YARS1: variants seen among roughly 807,000 people sequenced by gnomAD.
The protein encoded by YARS1 is tyrosine--tRNA ligase, cytoplasmic.
A neutral mutation model predicts 62.2 loss-of-function variants in YARS1; 36 were observed. The observed-to-expected ratio is 0.58, with a 90% CI of 0.44 to 0.76. The LOEUF (loss-of-function observed/expected upper bound fraction) is 0.76. Among genes scored for constraint, YARS1 ranks in the 30% least tolerant of loss-of-function variants. YARS1 has a pLI of 0.00. For missense variants in YARS1, 524 were observed against 639.8 expected (o/e 0.82, Z 1.95); for synonymous variants, 234 against 244.9 (o/e 0.96, Z 0.42).
At chr1:32,779,116 TAC>T (rs1444353547) in intron 12 of YARS1, among the ~76,000 whole-genome samples, 1 of 152,148 alleles carries the variant, frequency 6.6e-6, no homozygotes, top group Non-Finnish European at 1.5e-5. Flanking sequence ...AATCTCCTAT[TAC>T]AGACTGAAGA....
intron 8 of YARS1, among the ~76,000 whole-genome samples, chr1:32,784,739 T>TA (rs1434205161): frequency 1.3e-5 from 2 of 152,140 alleles, no homozygotes; most frequent in African/African-American, 4.8e-5. Flanking sequence ...TATACACACA[T>TA]ACACACATAT....
chr1:32,782,338 T>TGCC, intron 9 of YARS1, 66 bp downstream of exon 9: 1 of 1,612,948 alleles, frequency 6.2e-7, no homozygotes, highest in Middle Eastern at 1.8e-4. Context: ...AAGACAGGCA[T>TGCC]TTTTCCAAGG....
Position 32,810,609 on chromosome 1 carries a change from G to A in YARS1, c.362C>T (p.Thr121Ile). The A allele has an allele frequency of 6.2e-7, 1 of 1,613,086 alleles. No homozygotes were observed. The highest frequency in any genetic ancestry group is 8.5e-7 in the Non-Finnish European group (1 of 1,180,026). Residue 121 changes from threonine (T) to isoleucine (I), a missense_variant, in exon 3 of 13, where the codon ACT (threonine) becomes ATT (isoleucine). Physicochemically the swap from Thr to Ile is moderately conservative, Grantham distance 89 (BLOSUM62 -1). Transcript: ENST00000373477. ...CACTTACTTGCTGAGCTGGTAATCA[G>A]TGCCTTTGATGAACTTGAGCTTCTC... is the stretch of plus-strand genomic sequence containing the variant. Reference protein sequence around the residue: ...PLEKLKFIKGTDYQLSKEYTL... With the variant: ...PLEKLKFIKGIDYQLSKEYTL...
At position 32,807,973 on chromosome 1, in the gene YARS1, A is replaced by G. The variant is rs539207777; in HGVS notation, c.381-1362T>C. On this transcript the variant is annotated intron_variant, in intron 3 of 12. Coordinates refer to ENST00000373477, the MANE Select transcript of YARS1 (RefSeq NM_003680.4). ...TGCCCAGGTTGCAGTATAATGGCAC[A>G]ATCATAGTCACTGAAGCTTTGATCT... Among the ~76,000 whole-genome samples the G allele has an allele frequency of 3.3e-5, 5 of 151,538 alleles. No individual in the cohort carries two copies. In the East Asian group the frequency reaches 9.9e-4, roughly 30 times the overall value.
chr1:32,780,928 T>A, intron 10 of YARS1, 120 bp downstream of exon 10: 1 of 902,366 alleles, frequency 1.1e-6, no homozygotes, highest in South Asian at 1.3e-5. Context: ...ACACCTGCAC[T>A]CTGACTTGCA....
intron 6 of YARS1, among the ~76,000 whole-genome samples, chr1:32,790,210 AT>A (rs1653370975): frequency 1.2e-5 from 1 of 83,654 alleles, no homozygotes; most frequent in African/African-American, 4.7e-5. Flanking sequence ...TTTAATTTGT[AT>A]TTTTAAAAAC....
chr1:32,781,536 G>A, intron 9 of YARS1: 1 of 184,060 alleles, frequency 5.4e-6, no homozygotes, highest in Non-Finnish European at 1.1e-5. Flanking sequence ...CTGGGCAACA[G>A]AGCCAGACTC....
At chr1:32,781,419 T>G in intron 9 of YARS1, 1 of 446,112 alleles carries the variant, frequency 2.2e-6, no homozygotes. Flanking sequence ...GCATTCCACA[T>G]AGAATTTACT....
chr1:32,775,912 T>G lies in YARS1; in HGVS notation c.*69A>C, dbSNP rs933078773. The G allele has an allele frequency of 2.3e-5, 32 of 1,368,032 alleles. No homozygotes were observed. Among genetic ancestry groups the G allele is most frequent in the Non-Finnish European group, 3.3e-5 (32 of 958,978 alleles). The allele number at this position is 1,368,032 out of a possible 1,614,324, so 84.7% of individuals were successfully genotyped here. A position where few individuals can be genotyped will look rare whatever the true frequency, so the allele number is the denominator to read the frequency against. On this transcript the variant is annotated 3_prime_UTR_variant, in exon 13 of 13. Transcript: ENST00000373477. ...TCCTGAGAGATGGGTAAATGGGTGA[T>G]GGATGGAGCAGACTGAAGAGACAGC...
chr1:32,791,934 C>T (rs571101725), intron 5 of YARS1, among the ~76,000 whole-genome samples: 1 of 152,254 alleles, frequency 6.6e-6, no homozygotes, highest in East Asian at 1.9e-4. Flanking sequence ...TCTTTGCAAA[C>T]CAGGTGCTGA....
intron 8 of YARS1, among the ~76,000 whole-genome samples, chr1:32,784,738 A>G (rs2148602789): frequency 6.6e-6 from 1 of 152,238 alleles, no homozygotes; most frequent in Middle Eastern, 3.4e-3. Flanking sequence ...ATATACACAC[A>G]TACACACATA....
chr1:32,808,025 C>T (rs1229093016), intron 3 of YARS1, among the ~76,000 whole-genome samples: 1 of 152,062 alleles, frequency 6.6e-6, no homozygotes, highest in Non-Finnish European at 1.5e-5. Context: ...CCCACCTCAG[C>T]CTCTCAAGTA....
chr1:32,792,864 A>G (rs1444234946), intron 5 of YARS1, among the ~76,000 whole-genome samples: 2 of 151,754 alleles, frequency 1.3e-5, no homozygotes, highest in East Asian at 3.8e-4. Context: ...TGGGTGACAA[A>G]GCGAGACTCC....
rs934832498 is a variant in YARS1 at position 32,784,581 on chromosome 1, T to A, written c.906+1781A>T. Among the ~76,000 whole-genome samples the A allele has an allele frequency of 1.4e-4, 21 of 152,238 alleles. 1 individual carries two copies. In the South Asian group the frequency reaches 2.5e-3, roughly 18 times the overall value. On this transcript the variant is annotated intron_variant, in intron 8 of 12. Transcript: ENST00000373477. ...CACAGATTTCCTTGTGAACTCCTATTCCTCAAGCAAAATAGTGCTTGGATA... is the reference window on the plus strand; with the variant it reads ...CACAGATTTCCTTGTGAACTCCTATACCTCAAGCAAAATAGTGCTTGGATA...
chr1:32,779,715 A>C, intron 11 of YARS1, 192 bp from the exon 12 acceptor site: 2 of 708,360 alleles, frequency 2.8e-6, no homozygotes, highest in Non-Finnish European at 4.6e-6. Context: ...CCCAGGCTAT[A>C]CCAAAATTGT....
intron 12 of YARS1, among the ~76,000 whole-genome samples, chr1:32,778,541 G>C (rs984952467): frequency 6.6e-6 from 1 of 151,342 alleles, no homozygotes; most frequent in Non-Finnish European, 1.5e-5. Context: ...TGAGTAGCTG[G>C]GACTACAGGT....
At chr1:32,815,967 G>GGT (rs1557470721) in intron 1 of YARS1, among the ~76,000 whole-genome samples, 1 of 151,970 alleles carries the variant, frequency 6.6e-6, no homozygotes, top group Non-Finnish European at 1.5e-5. Context: ...AAATTAGCCG[G>GGT]GCGTGGGGGC....
chr1:32,778,833 G>C (rs1278557950), intron 12 of YARS1, among the ~76,000 whole-genome samples: 1 of 151,102 alleles, frequency 6.6e-6, no homozygotes, highest in Non-Finnish European at 1.5e-5. Context: ...CTGCCTCCCG[G>C]GTTCAAGTGA....
intron 8 of YARS1, among the ~76,000 whole-genome samples, chr1:32,785,644 G>A (rs913978865): frequency 5.3e-5 from 8 of 151,042 alleles, no homozygotes; most frequent in Non-Finnish European, 1.2e-4. Context: ...GTACAATGGC[G>A]CGATCTCGGT....
Sources: allele counts gnomAD v4.1 joint callset (sites outside exome capture counted in the v4.1 genomes callset), GRCh38; gene constraint gnomAD v4.1.1; transcripts MANE v1.5; gene names NCBI Gene and HGNC (gene_info 2026-07-23, HGNC 2026-07-21).